SECISBP2: variants seen among roughly 807,000 people sequenced by gnomAD.
SECISBP2 encodes the protein SECIS binding protein 2.
In SECISBP2, 96 loss-of-function variants were observed where a neutral mutation model predicts 98.2. The observed-to-expected ratio is 0.98, with a 90% CI of 0.83 to 1.16. SECISBP2 has a LOEUF of 1.16. SECISBP2 is among the 50% of genes most tolerant of loss of function. The pLI, the probability that SECISBP2 is intolerant of heterozygous loss-of-function variation, is 0.00. For missense variants in SECISBP2, 1,046 were observed against 1,022.9 expected, an observed-to-expected ratio of 1.02 and a Z score of -0.31; for synonymous variants, 407 against 370.2, an observed-to-expected ratio of 1.10 and a Z score of -1.14.
downstream of SECISBP2, chr9:89,364,017 G>GT: frequency 6.2e-7 from 1 of 1,612,998 alleles, no homozygotes; most frequent in South Asian, 1.1e-5. Context: ...CCCCATGAGG[G>GT]TGCAGGGGGG....
intron 4 of SECISBP2, among the ~76,000 whole-genome samples, chr9:89,327,726 G>A (rs1364364877): frequency 1.3e-5 from 2 of 151,994 alleles, no homozygotes; most frequent in African/African-American, 2.4e-5. Flanking sequence ...GTCATCTCCT[G>A]TGATAACAAT....
intron 2 of SECISBP2, among the ~76,000 whole-genome samples, chr9:89,320,575 TG>T (rs1390980373): frequency 6.6e-6 from 1 of 152,184 alleles, no homozygotes; most frequent in African/African-American, 2.4e-5. Flanking sequence ...GATAATTTTT[TG>T]GAAATTGTTG....
At chr9:89,340,176 A>G (rs1043130302) in intron 9 of SECISBP2, among the ~76,000 whole-genome samples, 4 of 152,170 alleles carry the variant, frequency 2.6e-5, no homozygotes, top group African/African-American at 4.8e-5. Flanking sequence ...TAAGATTATT[A>G]TTTTATAATA....
In SECISBP2 at chr9:89,350,734, C is replaced by A; in HGVS notation, c.1995C>A (p.Val665=). Residue 665 remains valine (V), a synonymous_variant, in exon 14 of 17, where the codon GTC becomes GTA. Transcript: ENST00000375807. ...ACCGTATGTACCAGAAAGATCCAGT[C>A]AAGGCCAAGACTAAACGTCGACTTG... The part of the protein sequence containing the change: ...FQDRMYQKDP[V]KAKTKRRLVL... The A allele has an allele frequency of 6.2e-7, 1 of 1,614,214 alleles. No homozygotes were observed. Among genetic ancestry groups the A allele is most frequent in the African/African-American group, 1.3e-5 (1 of 75,056 alleles).
intron 10 of SECISBP2, among the ~76,000 whole-genome samples, chr9:89,345,232 C>T (rs558667963): frequency 1.3e-4 from 20 of 152,326 alleles, no homozygotes; most frequent in African/African-American, 3.4e-4. Context: ...CTGTTCAAAA[C>T]GGCAGCCTCA....
intron 14 of SECISBP2, chr9:89,355,545 G>C (rs1831928190): frequency 1.0e-6 from 1 of 982,470 alleles, no homozygotes; most frequent in African/African-American, 1.8e-5. Flanking sequence ...TTAGCCCTTT[G>C]GGTAAGAGTT....
downstream of SECISBP2, chr9:89,364,571 T>C (rs979329554): frequency 6.8e-5 from 11 of 161,012 alleles, no homozygotes; most frequent in African/African-American, 2.6e-4. Flanking sequence ...ACATCCAGGA[T>C]GGGCTTCCAG....
chr9:89,325,301 A>G, intron 2 of SECISBP2, 126 bp from the exon 3 acceptor site: 1 of 843,908 alleles, frequency 1.2e-6, no homozygotes, highest in Non-Finnish European at 1.9e-6. Context: ...TTAATTAGGG[A>G]TTATTCCAGT....
intron 2 of SECISBP2, among the ~76,000 whole-genome samples, chr9:89,320,420 A>G (rs1825566770): frequency 6.6e-6 from 1 of 151,830 alleles, no homozygotes; most frequent in South Asian, 2.1e-4. Context: ...GTTTAAAAAT[A>G]TATCATATAT....
intron 5 of SECISBP2, among the ~76,000 whole-genome samples, chr9:89,331,762 A>G (rs557065526): frequency 6.6e-6 from 1 of 152,314 alleles, no homozygotes; most frequent in East Asian, 1.9e-4. Context: ...GGATCATTGC[A>G]GCTTTAAGAA....
intron 7 of SECISBP2, among the ~76,000 whole-genome samples, chr9:89,337,901 A>T (rs945310528): frequency 6.6e-6 from 1 of 152,266 alleles, no homozygotes; most frequent in Non-Finnish European, 1.5e-5. Context: ...GCCCCAGCTT[A>T]GCCAAATTCT....
chr9:89,337,434 T>A (rs1828935374), intron 7 of SECISBP2, among the ~76,000 whole-genome samples: 1 of 152,230 alleles, frequency 6.6e-6, no homozygotes, highest in South Asian at 2.1e-4. Flanking sequence ...TCCCATACTT[T>A]TGATGCCTAC....
At position 89,320,298 on chromosome 9, in the gene SECISBP2, G is replaced by A. The variant is rs200577619; in HGVS notation, c.182+501G>A. Reference sequence around the variant, plus strand: ...TTGAACCTGGGAGGCAGAGGTTGCAGTGGGCCAAGATAGCACCACTACACT... The same window carrying A: ...TTGAACCTGGGAGGCAGAGGTTGCAATGGGCCAAGATAGCACCACTACACT... On this transcript the variant is annotated intron_variant, in intron 2 of 16. Transcript: ENST00000375807. 4.6e-4 allele frequency among the ~76,000 whole-genome samples: 67 copies of A among 147,112 alleles called. No homozygotes were observed. In the East Asian group the frequency reaches 0.01, roughly 23 times the overall value.
chr9:89,346,925 G>T lies in SECISBP2; in HGVS notation c.1479G>T (p.Glu493Asp). 1 of 1,614,182 alleles carries T rather than the reference G, an allele frequency of 6.2e-7. No homozygotes were observed. The change falls in exon 11 of 17, where the codon GAG becomes GAT. Residue 493 changes from glutamate (E) to aspartate (D), a missense_variant. Glu to Asp is a conservative substitution (Grantham distance 45). Coordinates refer to ENST00000375807, the MANE Select transcript of SECISBP2 (RefSeq NM_024077.5). ...TTTCCAAAGAATGTGCATCAGGGGA[G>T]AGAGGCCGCCGCATGAGTCAAATGA... ...PVLSKECASG[E>D]RGRRMSQMKT...
rs956704084 is a variant in SECISBP2 at position 89,318,519 on chromosome 9, G to C, written c.-58G>C. ...GGGGGCGGAAACGCTTTGTCTGTCC[G>C]GCAAGCCGACGGCCCGCTGCTGGCC... On this transcript the variant is annotated 5_prime_UTR_variant, in exon 1 of 17. Transcript: ENST00000375807. 72 of 1,506,276 alleles carry C rather than the reference G, an allele frequency of 4.8e-5. No individual in the cohort carries two copies. The Middle Eastern group carries it at 5.3e-4, about 11-fold the overall frequency. 93.3% of individuals were successfully genotyped at this position (1,506,276 alleles called of 1,614,324 possible).
intron 5 of SECISBP2, 190 bp downstream of exon 5, chr9:89,329,076 C>T: frequency 3.3e-6 from 2 of 599,574 alleles, no homozygotes; most frequent in African/African-American, 3.7e-5. Flanking sequence ...GAGGCTGTAA[C>T]ATCTAGTGCA....
At chr9:89,353,988 T>C (rs1370070357) in intron 14 of SECISBP2, among the ~76,000 whole-genome samples, 1 of 152,260 alleles carries the variant, frequency 6.6e-6, no homozygotes, top group Non-Finnish European at 1.5e-5. Context: ...AGATAAAAAT[T>C]GATGTTATAG....
In SECISBP2 at chr9:89,318,547, C is replaced by T. The variant is rs764326877; in HGVS notation, c.-30C>T. ...AAGCCGACGGCCCGCTGCTGGCCTC[C>T]GTGACGCGGCCTCCTCCGCGCCTCG... On this transcript the variant is annotated 5_prime_UTR_variant, in exon 1 of 17. Transcript: ENST00000375807. 1.6e-5 allele frequency: 24 copies of T among 1,510,166 alleles called. No homozygotes were observed. The highest frequency in any genetic ancestry group is 2.0e-5 in the Admixed American group (1 of 48,894). 93.5% of individuals were successfully genotyped at this position (1,510,166 alleles called of 1,614,324 possible).
In SECISBP2 at chr9:89,358,926, C is replaced by T. The variant is rs549196711; in HGVS notation, c.*102C>T. ...TTTCATGACAATGTAATTTGTGTAA[C>T]TGTTGAATCTGGAAATTGATCAGCA... On this transcript the variant is annotated 3_prime_UTR_variant, in exon 17 of 17. Coordinates refer to ENST00000375807, the MANE Select transcript of SECISBP2 (RefSeq NM_024077.5). 8.0e-5 allele frequency: 61 copies of T among 760,606 alleles called. No homozygotes were observed. The highest frequency in any genetic ancestry group is 2.3e-4 in the Middle Eastern group (1 of 4,400). 47.1% of individuals were successfully genotyped at this position (760,606 alleles called of 1,614,324 possible).
Sources: allele counts gnomAD v4.1 joint callset (sites outside exome capture counted in the v4.1 genomes callset), GRCh38; gene constraint gnomAD v4.1.1; transcripts MANE v1.5; gene names NCBI Gene and HGNC (gene_info 2026-07-23, HGNC 2026-07-21).